The following EXOSC10 variants were observed in gnomAD, a reference collection of about 807,000 sequenced individuals.
EXOSC10 encodes the protein exosome component 10.
EXOSC10 carries 94 observed loss-of-function variants against 126.6 expected under a neutral mutation model. The observed-to-expected ratio is 0.74, with a 90% CI of 0.63 to 0.88. The LOEUF (loss-of-function observed/expected upper bound fraction) is 0.88. Ranked by LOEUF, EXOSC10 falls within the 40% of genes least tolerant of loss-of-function variation. The pLI is 0.00. For missense variants in EXOSC10, 1,041 were observed against 1,100.5 expected (o/e 0.95, Z 0.77); for synonymous variants, 395 against 400.8 (o/e 0.99, Z 0.17).
rs113674911 is a variant in EXOSC10 at position 11,068,419 on chromosome 1, A to G, written c.2550+226T>C. On this transcript the variant is annotated intron_variant, in intron 23 of 24. Transcript: ENST00000376936. ...GGCCTGCAGCTATAGTTCCCATGGT[A>G]GCAAACACAGAATAATACCCTTTAA... The G allele has an allele frequency of 2.2e-5, 13 of 597,754 alleles. No homozygotes were observed. The Admixed American group carries it at 3.6e-4, about 16-fold the overall frequency. The allele number at this position is 597,754 out of a possible 1,614,324, so 37.0% of individuals were successfully genotyped here.
intron 22 of EXOSC10, among the ~76,000 whole-genome samples, chr1:11,069,236 T>C (rs116009475): frequency 0.026 from 1,036 of 40,144 alleles, 17 homozygotes; most frequent in African/African-American, 0.039. Flanking sequence ...TCTGTGTGTG[T>C]GTGTGTGTGA....
chr1:11,066,779 C>G lies in EXOSC10; in HGVS notation c.2628-31G>C, dbSNP rs373336165. 1.9e-6 allele frequency: 3 copies of G among 1,613,378 alleles called. No individual in the cohort carries two copies. In the South Asian group the frequency reaches 3.3e-5, roughly 18 times the overall value. On this transcript the variant is annotated intron_variant, in intron 24 of 24. Coordinates refer to ENST00000376936, the MANE Select transcript of EXOSC10 (RefSeq NM_001001998.3). ...GAGAGTACAAAAACAACAGTTATTT[C>G]TTCCGGGCTGGTTGGATGTTCTCAG...
chr1:11,078,592 AC>A (rs1639961842), intron 14 of EXOSC10, among the ~76,000 whole-genome samples: 2 of 152,304 alleles, frequency 1.3e-5, no homozygotes, highest in African/African-American at 4.8e-5. Context: ...AACAAAAAAA[AC>A]AAAAGAAAAC....
At position 11,079,766 on chromosome 1, in the gene EXOSC10, T is replaced by C. The variant is rs1289573405; in HGVS notation, c.1694A>G (p.Gln565Arg). Residue 565 changes from glutamine to arginine, a missense_variant, in exon 14 of 25, where the codon CAG becomes CGG. Gln to Arg is a conservative substitution (Grantham distance 43). Around this residue, in one of 3 missense-constraint regions of EXOSC10, gnomAD observed 388 missense variants for 415.2 expected, o/e 0.93. Coordinates refer to ENST00000376936, the MANE Select transcript of EXOSC10 (RefSeq NM_001001998.3). ...CNPVPPLVRQ[Q>R]INEMHLLIQQ... ...GATTAAAAGGTGCATTTCGTTGATC[T>C]GCTGCCGCACAAGGGGCGGTACTGG... The C allele has an allele frequency of 6.2e-7, 1 of 1,613,880 alleles. No individual in the cohort carries two copies. The highest frequency in any genetic ancestry group is 1.3e-5 in the African/African-American group (1 of 74,936).
At chr1:11,070,833 A>G in intron 21 of EXOSC10, 67 bp downstream of exon 21, 1 of 1,408,346 alleles carries the variant, frequency 7.1e-7, no homozygotes, top group Non-Finnish European at 1.0e-6. Context: ...AAGATATCCA[A>G]GGAAGATCCT....
chr1:11,099,819 T>C lies in EXOSC10; in HGVS notation c.13A>G (p.Ser5Gly), dbSNP rs267597920. The C allele has an allele frequency of 1.1e-5, 17 of 1,606,480 alleles. 1 individual carries two copies. The highest frequency in any genetic ancestry group is 3.3e-5 in the South Asian group (3 of 90,614). MAPPSTREPRVLSAT... is the reference protein window; with the variant it reads MAPPGTREPRVLSAT... Reference sequence around the variant, plus strand: ...GACAGGACCCTGGGCTCCCGGGTACTGGGTGGCGCCATTTTTTCAGCCTGC... The same window carrying C: ...GACAGGACCCTGGGCTCCCGGGTACCGGGTGGCGCCATTTTTTCAGCCTGC... The change falls in exon 1 of 25, where the codon AGT becomes GGT. Residue 5 changes from serine to glycine, a missense_variant. Physicochemically the swap from Ser to Gly is moderately conservative, Grantham distance 56. Coordinates refer to ENST00000376936, the MANE Select transcript of EXOSC10 (RefSeq NM_001001998.3).
rs1309407176 is a variant in EXOSC10 at position 11,098,049 on chromosome 1, G to A, written c.219C>T (p.Cys73=). The A allele has an allele frequency of 4.3e-6, 7 of 1,611,416 alleles. No homozygotes were observed. Among genetic ancestry groups the A allele is most frequent in the Middle Eastern group, 3.3e-4 (2 of 6,058 alleles). The part of the protein sequence containing the change: ...YRSFPGFQAF[C]ETQGDRLLQC... ...GAAGCAACCTGTCTCCCTGTGTTTCGCAAAATGCTTGGAAGCCAGGAAAAC... is the reference window on the plus strand; with the variant it reads ...GAAGCAACCTGTCTCCCTGTGTTTCACAAAATGCTTGGAAGCCAGGAAAAC... Residue 73 remains cysteine (C), a synonymous_variant, in exon 2 of 25, where the codon TGC becomes TGT. Coordinates refer to ENST00000376936, the MANE Select transcript of EXOSC10 (RefSeq NM_001001998.3).
At chr1:11,077,693 C>G (rs1557701032) in intron 14 of EXOSC10, 42 bp from the exon 15 acceptor site, 1 of 1,568,274 alleles carries the variant, frequency 6.4e-7, no homozygotes, top group Non-Finnish European at 8.7e-7. Context: ...GTTGCCCAAG[C>G]ACCTCAAGTC....
intron 22 of EXOSC10, 27 bp downstream of exon 22, chr1:11,069,532 C>T: frequency 6.2e-7 from 1 of 1,607,692 alleles, no homozygotes; most frequent in Non-Finnish European, 8.5e-7. Context: ...ACAGATGTCC[C>T]TGTATGGGGC....
chr1:11,097,934 G>C, intron 2 of EXOSC10, 86 bp downstream of exon 2: 5 of 1,328,614 alleles, frequency 3.8e-6, no homozygotes, highest in Non-Finnish European at 4.9e-6. Context: ...AAATGTTTAA[G>C]GAAAAATAAA....
chr1:11,080,190 G>T (rs977633731), intron 13 of EXOSC10, among the ~76,000 whole-genome samples: 15 of 152,150 alleles, frequency 9.9e-5, no homozygotes, highest in African/African-American at 3.1e-4. Context: ...CTTTAATTTG[G>T]AAGAAAGTAC....
At chr1:11,070,793 A>T in intron 21 of EXOSC10, 107 bp downstream of exon 21, 2 of 964,166 alleles carry the variant, frequency 2.1e-6, no homozygotes, top group South Asian at 3.2e-5. Flanking sequence ...AGAAGTCAGG[A>T]CTTAATATAA....
At chr1:11,095,038 G>T (rs574063003) in intron 3 of EXOSC10, among the ~76,000 whole-genome samples, 2 of 151,866 alleles carry the variant, frequency 1.3e-5, no homozygotes, top group African/African-American at 4.8e-5. Context: ...ATGACAAAAC[G>T]ATGTCTCTAC....
chr1:11,080,853 C>T lies in EXOSC10; in HGVS notation c.1497G>A (p.Lys499=). 1.9e-6 allele frequency: 3 copies of T among 1,614,104 alleles called. No individual in the cohort carries two copies. Among genetic ancestry groups the T allele is most frequent in the Non-Finnish European group, 2.5e-6 (3 of 1,180,022 alleles). ...ESYLELYRKQ[K]KHLNTQQLTA... The stretch of plus-strand genomic sequence containing the variant: ...TCAACTGCTGTGTGTTAAGGTGCTT[C>T]TTCTGCTTCCTATAGAGTTCAAGGT... Residue 499 remains lysine (K), a synonymous_variant, in exon 12 of 25, where the codon AAG becomes AAA. Coordinates refer to ENST00000376936, the MANE Select transcript of EXOSC10 (RefSeq NM_001001998.3).
rs534868635 is a variant in EXOSC10 at position 11,072,032 on chromosome 1, G to C, written c.2242+55C>G. Reference sequence around the variant, plus strand: ...ATCTGGCACTTGGCTGAAACAGCGGGTGTGCAACAGCCATTCTTTAACAGC... The same window carrying C: ...ATCTGGCACTTGGCTGAAACAGCGGCTGTGCAACAGCCATTCTTTAACAGC... On this transcript the variant is annotated intron_variant, in intron 20 of 24. Transcript: ENST00000376936. 4.3e-4 allele frequency: 613 copies of C among 1,411,450 alleles called. 8 individuals are homozygous for C. The South Asian group carries it at 6.1e-3, about 14-fold the overall frequency. The allele number at this position is 1,411,450 out of a possible 1,614,324, so 87.4% of individuals were successfully genotyped here.
intron 8 of EXOSC10, 41 bp from the exon 9 acceptor site, chr1:11,087,632 AT>A (rs1640567803): frequency 1.2e-5 from 19 of 1,608,952 alleles, no homozygotes; most frequent in Non-Finnish European, 1.6e-5. Context: ...AAAAACAAAG[AT>A]TATATTAGAC....
chr1:11,079,865 G>A lies in EXOSC10; in HGVS notation c.1638-43C>T, dbSNP rs113589355. The A allele has an allele frequency of 6.3e-4, 948 of 1,494,688 alleles. 6 individuals carry two copies. In the African/African-American group the frequency reaches 0.01, roughly 16 times the overall value. 92.6% of individuals were successfully genotyped at this position (1,494,688 alleles called of 1,614,324 possible). A position where few individuals can be genotyped will look rare whatever the true frequency, so the allele number is the denominator to read the frequency against. On this transcript the variant is annotated intron_variant, in intron 13 of 24. Coordinates refer to ENST00000376936, the MANE Select transcript of EXOSC10 (RefSeq NM_001001998.3). ...CACACTCAACTTGTCACTCAGAAAC[G>A]CAGCCCTTAAAGGCTTCCAGATAAG...
intron 20 of EXOSC10, chr1:11,071,264 C>T (rs1479144545): frequency 1.2e-5 from 5 of 403,390 alleles, no homozygotes; most frequent in African/African-American, 8.1e-5. Flanking sequence ...TTAACAGGAT[C>T]GTCACCATCA....
At chr1:11,074,370 C>T (rs1166586733) in intron 17 of EXOSC10, 44 bp from the exon 18 acceptor site, 1 of 1,342,250 alleles carries the variant, frequency 7.5e-7, no homozygotes, top group Non-Finnish European at 1.1e-6. Flanking sequence ...CCATGATCAT[C>T]TGTGACATCA....
Sources: allele counts gnomAD v4.1 joint callset (sites outside exome capture counted in the v4.1 genomes callset), GRCh38; gene constraint gnomAD v4.1.1; regional missense constraint gnomAD v4.1.1; transcripts MANE v1.5; gene names NCBI Gene and HGNC (gene_info 2026-07-23, HGNC 2026-07-21).